Variants in ROBO3 observed in about 807,000 individuals in gnomAD.
The protein encoded by ROBO3 is roundabout guidance receptor 3.
In ROBO3, 97 loss-of-function variants were observed where a neutral mutation model predicts 160.5. The observed-to-expected ratio is 0.60, with a 90% CI of 0.51 to 0.72. The LOEUF is 0.72. ROBO3 is among the 30% of genes least tolerant of loss of function. The probability of loss-of-function intolerance (pLI) is 0.00; values close to 1 mark genes in which losing one functional copy is unlikely to be tolerated. For missense variants in ROBO3, 1,858 were observed against 1,846.5 expected (o/e 1.01, Z -0.11); for synonymous variants, 780 against 746.2 (o/e 1.05, Z -0.74).
intron 12 of ROBO3, 120 bp downstream of exon 12, chr11:124,874,356 A>G: frequency 1.1e-6 from 1 of 922,608 alleles, no homozygotes; most frequent in South Asian, 1.9e-5. Context: ...CCAGGTCTAT[A>G]CTGGTGGCCC....
Position 124,873,371 on chromosome 11 carries a change from G to A in ROBO3, c.1598G>A (p.Ser533Asn), listed in dbSNP as rs766847301. Residue 533 changes from serine to asparagine, a missense_variant, in exon 10 of 28, where the codon AGC becomes AAC. Ser to Asn is a conservative substitution (Grantham distance 46, BLOSUM62 1). Transcript: ENST00000397801. This position sits in a 1 kb window ranked among gnomAD's most constrained non-coding sequence, Gnocchi z 4.5. ...AGTTCCACAGGGGAAGCCACATGGA[G>A]CGGCTGGCTTAAGATGCGGGGTGAG... Reference protein sequence around the residue: ...AKSSTGEATWSGWLKMREDWG... With the variant: ...AKSSTGEATWNGWLKMREDWG... 1.9e-6 allele frequency: 3 copies of A among 1,612,490 alleles called. No individual in the cohort carries two copies. The highest frequency in any genetic ancestry group is 4.5e-5 in the East Asian group (2 of 44,864).
Position 124,876,494 on chromosome 11 carries a change from GA to G in ROBO3, c.2779+35del. 7.4e-7 allele frequency: 1 copy of G among 1,357,206 alleles called. No individual in the cohort carries two copies. The highest frequency in any genetic ancestry group is 1.9e-5 in the South Asian group (1 of 52,832). The allele number at this position is 1,357,206 out of a possible 1,614,324, so 84.1% of individuals were successfully genotyped here. ...CCGGCCTCGGAGCGGACGGATCCGG[GA>G]GGGAGCCAGGCGGCCCATGGGGAGG... On this transcript the variant is annotated intron_variant, in intron 17 of 27. Coordinates refer to ENST00000397801, the MANE Select transcript of ROBO3 (RefSeq NM_022370.4). The surrounding 1 kb of genome is among the most constrained non-coding windows in gnomAD (Gnocchi z 5.3).
chr11:124,881,296 G>A lies in ROBO3; in HGVS notation c.*46G>A, dbSNP rs1282060752. 1.3e-6 allele frequency: 2 copies of A among 1,570,970 alleles called. No homozygotes were observed. Among genetic ancestry groups the A allele is most frequent in the Non-Finnish European group, 1.7e-6 (2 of 1,152,948 alleles). On this transcript the variant is annotated 3_prime_UTR_variant, in exon 28 of 28. Transcript: ENST00000397801. ...ATATCATGAGTGCCACGGGGAAGGG[G>A]AGTAGGGATGTCTTTTCCCCCCCAG...
chr11:124,871,073 G>A lies in ROBO3; in HGVS notation c.1093G>A (p.Ala365Thr), dbSNP rs759734850. 7.4e-6 allele frequency: 12 copies of A among 1,613,764 alleles called. No homozygotes were observed. Among genetic ancestry groups the A allele is most frequent in the Non-Finnish European group, 1.0e-5 (12 of 1,179,708 alleles). Residue 365 changes from alanine (A) to threonine (T), a missense_variant, in exon 7 of 28, where the codon GCT (alanine) becomes ACT (threonine). Physicochemically the swap from Ala to Thr is moderately conservative, Grantham distance 58 (BLOSUM62 0). Coordinates refer to ENST00000397801, the MANE Select transcript of ROBO3 (RefSeq NM_022370.4). ...GATGGCAGCTCCTGGAGAGAGCGTG[G>A]CTTTCCAGTGCGAGACCAAAGGAAA... Reference protein sequence around the residue: ...DQMAAPGESVAFQCETKGNPP... With the variant: ...DQMAAPGESVTFQCETKGNPP...
Position 124,872,290 on chromosome 11 carries a change from T to G in ROBO3, c.1159-91T>G. 1.7e-6 allele frequency: 2 copies of G among 1,176,228 alleles called. No individual in the cohort carries two copies. Among genetic ancestry groups the G allele is most frequent in the Non-Finnish European group, 2.6e-6 (2 of 783,682 alleles). The allele number at this position is 1,176,228 out of a possible 1,614,324, so 72.9% of individuals were successfully genotyped here. A position where few individuals can be genotyped will look rare whatever the true frequency, so the allele number is the denominator to read the frequency against. Reference sequence around the variant, plus strand: ...AGACGATGAACTAGAATCATAGGAATTCTCTGAATTTTGAGATTGACAGGA... The same window carrying G: ...AGACGATGAACTAGAATCATAGGAAGTCTCTGAATTTTGAGATTGACAGGA... On this transcript the variant is annotated intron_variant, in intron 7 of 27. Transcript: ENST00000397801. This position sits in a 1 kb window ranked among gnomAD's most constrained non-coding sequence, Gnocchi z 4.3.
Position 124,879,968 on chromosome 11 carries a change from G to A in ROBO3, c.3958+20G>A. 6.5e-7 allele frequency: 1 copy of A among 1,542,368 alleles called. No individual in the cohort carries two copies. The highest frequency in any genetic ancestry group is 1.2e-5 in the South Asian group (1 of 83,196). On this transcript the variant is annotated intron_variant, in intron 26 of 27. Coordinates refer to ENST00000397801, the MANE Select transcript of ROBO3 (RefSeq NM_022370.4). ...CAGATGGTAAGCAGGGCCAGGGCAG[G>A]CAGGAGGGCTGCTGCCACAGGAGAC...
Position 124,873,608 on chromosome 11 carries a change from G to A in ROBO3, c.1619-89G>A. ...CCACTCTGACCATCACCGCAGCTCA[G>A]AGCTCCATAGCTCCCCTGGTAAGGA... On this transcript the variant is annotated intron_variant, in intron 10 of 27. Coordinates refer to ENST00000397801, the MANE Select transcript of ROBO3 (RefSeq NM_022370.4). The surrounding 1 kb of genome is among the most constrained non-coding windows in gnomAD (Gnocchi z 4.5). 1 of 1,304,834 alleles carries A rather than the reference G, an allele frequency of 7.7e-7. No homozygotes were observed. The highest frequency in any genetic ancestry group is 1.1e-6 in the Non-Finnish European group (1 of 947,448). The allele number at this position is 1,304,834 out of a possible 1,614,324, so 80.8% of individuals were successfully genotyped here. A position where few individuals can be genotyped will look rare whatever the true frequency, so the allele number is the denominator to read the frequency against.
At chr11:124,867,192 T>A (rs1946209455) in intron 1 of ROBO3, among the ~76,000 whole-genome samples, 1 of 152,076 alleles carries the variant, frequency 6.6e-6, no homozygotes, top group Admixed American at 6.5e-5. Flanking sequence ...TATTGGGGCC[T>A]GGTAGAATTT....
Position 124,875,938 on chromosome 11 carries a change from G to C in ROBO3, c.2422-16G>C. The C allele has an allele frequency of 6.3e-7, 1 of 1,587,752 alleles. No homozygotes were observed. Among genetic ancestry groups the C allele is most frequent in the Non-Finnish European group, 8.6e-7 (1 of 1,167,206 alleles). ...ATCCCATTTCTGACTCTAAATCCGG[G>C]ACTCGGCCTCCCTAGATCTGGTGCC... On this transcript the variant is annotated splice_polypyrimidine_tract_variant and intron_variant, in intron 15 of 27. Transcript: ENST00000397801.
At chr11:124,867,516 G>GGA (rs1338670663) in intron 1 of ROBO3, among the ~76,000 whole-genome samples, 1 of 152,230 alleles carries the variant, frequency 6.6e-6, no homozygotes, top group South Asian at 2.1e-4. Flanking sequence ...GGGAATGGGA[G>GGA]GAGATGGAGG....
At chr11:124,875,890 T>G (rs1946354176) in intron 15 of ROBO3, 64 bp from the exon 16 acceptor site, 2 of 1,546,262 alleles carry the variant, frequency 1.3e-6, no homozygotes, top group African/African-American at 2.7e-5. Flanking sequence ...TTTGGAGCCT[T>G]AAGTTTCCCG....
At position 124,875,998 on chromosome 11, in the gene ROBO3, T is replaced by C; in HGVS notation, c.2466T>C (p.Ser822=). Residue 822 remains serine, a synonymous_variant, in exon 16 of 28, where the codon TCT becomes TCC. Coordinates refer to ENST00000397801, the MANE Select transcript of ROBO3 (RefSeq NM_022370.4). ...AGAGCCGCTTTCACCTCAATCGATC[T>C]GCAGCAGGCTGGGCACGCTCCGCAA... ...GNESRFHLNR[S]AAGWARSAML... is the part of the protein sequence containing the mutation. 6.2e-7 allele frequency: 1 copy of C among 1,600,940 alleles called. No homozygotes were observed.
In ROBO3 at chr11:124,873,702, T is replaced by G. The variant is rs1014981461; in HGVS notation, c.1624T>G (p.Trp542Gly). 1.2e-6 allele frequency: 2 copies of G among 1,611,034 alleles called. No individual in the cohort carries two copies. Among genetic ancestry groups the G allele is most frequent in the Admixed American group, 1.7e-5 (1 of 59,730 alleles). ...AAGATTATCTCCCACTGCAGAAGAC[T>G]GGGGAGTATCACCAGACCCCCCTAC... is the stretch of plus-strand genomic sequence containing the variant. Reference protein sequence around the residue: ...WSGWLKMREDWGVSPDPPTEP... With the variant: ...WSGWLKMREDGGVSPDPPTEP... The change falls in exon 11 of 28, where the codon TGG becomes GGG. Residue 542 changes from tryptophan to glycine, a missense_variant. Coordinates refer to ENST00000397801, the MANE Select transcript of ROBO3 (RefSeq NM_022370.4). The surrounding 1 kb of genome is among the most constrained non-coding windows in gnomAD (Gnocchi z 4.5).
Position 124,875,212 on chromosome 11 carries a change from C to G in ROBO3, c.2175C>G (p.Ser725Arg), listed in dbSNP as rs779580816. The G allele has an allele frequency of 1.9e-6, 3 of 1,613,808 alleles. No homozygotes were observed. The highest frequency in any genetic ancestry group is 2.2e-5 in the East Asian group (1 of 44,868). ...SWTMLDLQSP[S>R]QQSTVLRGLP... ...CAATGTTGGACCTACAGTCCCCAAGCCAGCAAAGTACTGTGCTAAGAGGAC... is the reference window on the plus strand; with the variant it reads ...CAATGTTGGACCTACAGTCCCCAAGGCAGCAAAGTACTGTGCTAAGAGGAC... The change falls in exon 14 of 28, where the codon AGC becomes AGG. Residue 725 changes from serine (S) to arginine (R), a missense_variant. By Grantham distance (110) the Ser-to-Arg change is moderately radical. Transcript: ENST00000397801.
intron 6 of ROBO3, 73 bp downstream of exon 6, chr11:124,870,801 T>G (rs1946271254): frequency 6.3e-7 from 1 of 1,575,064 alleles, no homozygotes. Context: ...GGCAAGAGAC[T>G]GAGGGAGAAA....
chr11:124,872,093 A>T lies in ROBO3; in HGVS notation c.1159-288A>T, dbSNP rs1189118209. Among the ~76,000 whole-genome samples the T allele has an allele frequency of 6.6e-6, 1 of 152,236 alleles. No individual in the cohort carries two copies. Among genetic ancestry groups the T allele is most frequent in the Non-Finnish European group, 1.5e-5 (1 of 68,044 alleles). On this transcript the variant is annotated intron_variant, in intron 7 of 27. Transcript: ENST00000397801. The surrounding 1 kb of genome is among the most constrained non-coding windows in gnomAD (Gnocchi z 4.3). ...TGTGATCTTTATAACTATCCTCTAG[A>T]AGTCAAATTTGGGAAATTGGGGCTC... is the stretch of plus-strand genomic sequence containing the variant.
rs1361826467 is a variant in ROBO3 at position 124,878,868 on chromosome 11, GTGGATGGA to G, written c.3533+80_3533+87del. The G allele has an allele frequency of 2.4e-6, 3 of 1,266,588 alleles. No homozygotes were observed. In the East Asian group the frequency reaches 7.4e-5, roughly 31 times the overall value. 78.5% of individuals were successfully genotyped at this position (1,266,588 alleles called of 1,614,324 possible). ...ATCTACTCAGTAGATGACTGGGTGG[GTGGATGGA>G]TGGATGGGTGGATGGATCTGGGGTA... On this transcript the variant is annotated intron_variant, in intron 23 of 27. Coordinates refer to ENST00000397801, the MANE Select transcript of ROBO3 (RefSeq NM_022370.4). The surrounding 1 kb of genome is among the most constrained non-coding windows in gnomAD (Gnocchi z 4.3).
Position 124,880,616 on chromosome 11 carries a change from C to T in ROBO3, c.4149+8C>T. 6.6e-7 allele frequency: 1 copy of T among 1,524,454 alleles called. No individual in the cohort carries two copies. Among genetic ancestry groups the T allele is most frequent in the Non-Finnish European group, 8.8e-7 (1 of 1,136,848 alleles). 94.4% of individuals were successfully genotyped at this position (1,524,454 alleles called of 1,614,324 possible). A position where few individuals can be genotyped will look rare whatever the true frequency, so the allele number is the denominator to read the frequency against. ...GGACAGAAACGCCGAGAGGTAGGGG[C>T]CATAGATTGCAGAAAAATGAGGGCA... On this transcript the variant is annotated splice_region_variant and intron_variant, in intron 27 of 27. Coordinates refer to ENST00000397801, the MANE Select transcript of ROBO3 (RefSeq NM_022370.4).
chr11:124,877,125 C>A, intron 17 of ROBO3, 36 bp from the exon 18 acceptor site: 1 of 1,612,518 alleles, frequency 6.2e-7, no homozygotes, highest in East Asian at 2.2e-5. Flanking sequence ...CTCCTCATTT[C>A]ACCTCTTCTT....
Sources: gnomAD v4.1 joint callset for allele counts (sites outside exome capture counted in the v4.1 genomes callset) on GRCh38, gnomAD v4.1.1 for gene constraint, Gnocchi (gnomAD v3.1) non-coding constraint, MANE v1.5 for transcripts, NCBI Gene and HGNC (gene_info 2026-07-23, HGNC 2026-07-21) for gene names.